The following NALF1 variants were observed in gnomAD, a reference collection of about 807,000 sequenced individuals.
The protein encoded by NALF1 is NALCN channel auxiliary factor 1, also known as family with sequence similarity 155 member A.
In NALF1, 3 loss-of-function variants were observed where a neutral mutation model predicts 48.4. The observed-to-expected ratio is 0.06, with a 90% CI of 0.03 to 0.16. NALF1 has a LOEUF of 0.16. NALF1 is among the 10% of genes least tolerant of loss of function. The probability of loss-of-function intolerance (pLI) is 1.00; values close to 1 mark genes in which losing one functional copy is unlikely to be tolerated. For missense variants in NALF1, 526 were observed against 571.5 expected (o/e 0.92, Z 0.81); for synonymous variants, 262 against 245.7 (o/e 1.07, Z -0.62).
intron 1 of NALF1, among the ~76,000 whole-genome samples, chr13:107,759,842 G>A (rs1445960196): frequency 2.0e-5 from 3 of 151,052 alleles, no homozygotes; most frequent in East Asian, 2.0e-4. Flanking sequence ...CTTACCAAAT[G>A]TTGTCCCCCC....
In NALF1 at chr13:107,178,718, C is replaced by T. The variant is rs145863840; in HGVS notation, c.1088-7932G>A. On this transcript the variant is annotated intron_variant, in intron 2 of 2. Coordinates refer to ENST00000375915, the MANE Select transcript of NALF1 (RefSeq NM_001080396.3). ...CAGCACTTTGGCAGGCCAAGGCGGG[C>T]GGATCACGAGGTCAGGAGATCAAGA... is the stretch of plus-strand genomic sequence containing the variant. Among the ~76,000 whole-genome samples the T allele has an allele frequency of 4.2e-3, 640 of 152,208 alleles. 8 individuals carry two copies. Among genetic ancestry groups the T allele is most frequent in the African/African-American group, 0.014 (576 of 41,556 alleles).
intron 1 of NALF1, among the ~76,000 whole-genome samples, chr13:107,477,844 C>T (rs544898721): frequency 6.6e-6 from 1 of 151,714 alleles, no homozygotes; most frequent in Admixed American, 6.6e-5. Context: ...ATGTCTTTCT[C>T]AAGGACCTAC....
intron 1 of NALF1, among the ~76,000 whole-genome samples, chr13:107,700,540 A>G (rs1881795194): frequency 6.6e-6 from 1 of 152,026 alleles, no homozygotes; most frequent in South Asian, 2.1e-4. Flanking sequence ...AAGAACAGAT[A>G]AGGGAAAAAG....
chr13:107,817,687 C>T (rs189131371), intron 1 of NALF1, among the ~76,000 whole-genome samples: 2 of 152,272 alleles, frequency 1.3e-5, no homozygotes, highest in African/African-American at 4.8e-5. Context: ...AGGACTCCTG[C>T]TCAAATATGC....
At chr13:107,823,343 G>T (rs545244879) in intron 1 of NALF1, among the ~76,000 whole-genome samples, 5 of 152,216 alleles carry the variant, frequency 3.3e-5, no homozygotes, top group African/African-American at 9.6e-5. Flanking sequence ...TCTCACCTGG[G>T]TAAGTCCAAT....
intron 1 of NALF1, among the ~76,000 whole-genome samples, chr13:107,738,984 A>G (rs1189559099): frequency 6.6e-6 from 1 of 152,168 alleles, no homozygotes; most frequent in Non-Finnish European, 1.5e-5. Context: ...ATTTTCAATG[A>G]GAAAACTGAA....
intron 1 of NALF1, among the ~76,000 whole-genome samples, chr13:107,501,699 A>G (rs1875529996): frequency 6.6e-6 from 1 of 152,200 alleles, no homozygotes; most frequent in Non-Finnish European, 1.5e-5. Flanking sequence ...ATGGTGATTT[A>G]TTAGAAAATA....
chr13:107,297,727 A>G (rs539896138), intron 1 of NALF1, among the ~76,000 whole-genome samples: 1 of 152,194 alleles, frequency 6.6e-6, no homozygotes, highest in Non-Finnish European at 1.5e-5. Context: ...CTACCTTAAT[A>G]ATCAGGCTTA....
intron 1 of NALF1, among the ~76,000 whole-genome samples, chr13:107,845,873 C>T (rs1221146936): frequency 6.6e-6 from 1 of 152,060 alleles, no homozygotes; most frequent in Admixed American, 6.6e-5. Flanking sequence ...GTAACTCTTT[C>T]CTGAGAAAGG....
chr13:107,427,600 A>G (rs1430156914), intron 1 of NALF1, among the ~76,000 whole-genome samples: 1 of 152,198 alleles, frequency 6.6e-6, no homozygotes, highest in East Asian at 1.9e-4. Flanking sequence ...CAAAAAGAAA[A>G]GAAATACAAA....
In NALF1 at chr13:107,471,225, T is replaced by C. The variant is rs141566037; in HGVS notation, c.916-260470A>G. Among the ~76,000 whole-genome samples, 810 of 151,678 alleles carry C rather than the reference T, an allele frequency of 5.3e-3. 7 individuals carry two copies. Among genetic ancestry groups the C allele is most frequent in the African/African-American group, 0.018 (755 of 40,932 alleles). ...ATTACCATGTGAGACACAAGTTACA[T>C]TGTGATCATCAAATTGGCAATTTTT... is the stretch of plus-strand genomic sequence containing the variant. On this transcript the variant is annotated intron_variant, in intron 1 of 2. Transcript: ENST00000375915.
At position 107,633,743 on chromosome 13, in the gene NALF1, AAC is replaced by A. The variant is rs1879896040; in HGVS notation, c.915+231937_915+231938del. 3.2e-4 allele frequency among the ~76,000 whole-genome samples: 46 copies of A among 145,312 alleles called. No homozygotes were observed. In the Admixed American group the frequency reaches 3.2e-3, roughly 10 times the overall value. On this transcript the variant is annotated intron_variant, in intron 1 of 2. Coordinates refer to ENST00000375915, the MANE Select transcript of NALF1 (RefSeq NM_001080396.3). ...TGTGTATATATATATATATATATGA[AAC>A]ACATATATATGGAAAATATATATAT... is the stretch of plus-strand genomic sequence containing the variant.
At chr13:107,311,616 C>A (rs1409747261) in intron 1 of NALF1, among the ~76,000 whole-genome samples, 1 of 150,734 alleles carries the variant, frequency 6.6e-6, no homozygotes, top group Admixed American at 6.6e-5. Context: ...TAGAGTTTCC[C>A]AAAAACTATT....
intron 1 of NALF1, among the ~76,000 whole-genome samples, chr13:107,461,920 C>T (rs1884924635): frequency 6.6e-6 from 1 of 152,178 alleles, no homozygotes; most frequent in African/African-American, 2.4e-5. Context: ...TTGCCCTGGT[C>T]TCAGCTCCCA....
intron 1 of NALF1, among the ~76,000 whole-genome samples, chr13:107,324,850 T>A (rs9520385): frequency 0.16 from 24,671 of 152,248 alleles, 2,670 homozygotes; most frequent in Non-Finnish European, 0.24. Context: ...GTATCTACTA[T>A]CCAATAACTC....
At chr13:107,661,862 A>G (rs535070146) in intron 1 of NALF1, among the ~76,000 whole-genome samples, 1 of 152,230 alleles carries the variant, frequency 6.6e-6, no homozygotes, top group African/African-American at 2.4e-5. Context: ...ACTCAGAAGA[A>G]GAAAAAAGAT....
chr13:107,522,219 G>A (rs1876265790), intron 1 of NALF1, among the ~76,000 whole-genome samples: 1 of 152,062 alleles, frequency 6.6e-6, no homozygotes, highest in South Asian at 2.1e-4. Flanking sequence ...CCCTCTTAAT[G>A]CTATTGGATA....
intron 1 of NALF1, among the ~76,000 whole-genome samples, chr13:107,298,351 CAAAAAAAAAAAA>C (rs1192707023): frequency 6.0e-4 from 10 of 16,624 alleles, no homozygotes; most frequent in Non-Finnish European, 6.4e-4. Context: ...GACTCCATCT[CAAAAAAAAAAAA>C]AAAAAAAAAA....
chr13:107,292,783 T>G (rs573857991), intron 1 of NALF1, among the ~76,000 whole-genome samples: 14 of 152,326 alleles, frequency 9.2e-5, no homozygotes, highest in African/African-American at 3.4e-4. Context: ...AGCAAATATT[T>G]AAACCAGTAA....
Sources: gnomAD v4.1 joint callset for allele counts (sites outside exome capture counted in the v4.1 genomes callset) on GRCh38, gnomAD v4.1.1 for gene constraint, MANE v1.5 for transcripts, NCBI Gene and HGNC (gene_info 2026-07-23, HGNC 2026-07-21) for gene names.